SAE1: variants seen among roughly 807,000 people sequenced by gnomAD.
SAE1 encodes the protein SUMO-activating enzyme subunit 1.
SAE1 carries 11 observed loss-of-function variants against 40.6 expected under a neutral mutation model. The observed-to-expected ratio is 0.27, with a 90% CI of 0.17 to 0.45. SAE1 has a LOEUF of 0.45. Among genes scored for constraint, SAE1 ranks in the 20% least tolerant of loss-of-function variants. The probability of loss-of-function intolerance (pLI) is 1.00; values close to 1 mark genes in which losing one functional copy is unlikely to be tolerated. For synonymous variants in SAE1, 155 were observed against 154.3 expected, an observed-to-expected ratio of 1.00 and a Z score of -0.03; for missense variants, 373 against 427.3, an observed-to-expected ratio of 0.87 and a Z score of 1.12.
intron 6 of SAE1, among the ~76,000 whole-genome samples, chr19:47,186,613 GCTCGTTT>G (rs1384728990): frequency 6.6e-6 from 1 of 152,072 alleles, no homozygotes; most frequent in Non-Finnish European, 1.5e-5. Flanking sequence ...TTGTTTTTGA[GCTCGTTT>G]CTGAGAAAGT....
rs1480311660 is a variant in SAE1 at position 47,193,850 on chromosome 19, GAA to G, written c.734-3379_734-3378del. The stretch of plus-strand genomic sequence containing the variant: ...CAAAAAAAAAAAAAAAGAAAGAAAA[GAA>G]AAAGAAAAAGAAATTACCTCTTCTC... On this transcript the variant is annotated intron_variant, in intron 6 of 8. Transcript: ENST00000270225. Among the ~76,000 whole-genome samples, 16 of 130,828 alleles carry G rather than the reference GAA, an allele frequency of 1.2e-4. No individual in the cohort carries two copies. The South Asian group carries it at 2.7e-3, about 22-fold the overall frequency. 85.8% of individuals were successfully genotyped at this position (130,828 alleles called of 152,430 possible). A position where few individuals can be genotyped will look rare whatever the true frequency, so the allele number is the denominator to read the frequency against.
In SAE1 at chr19:47,203,762, G is replaced by C. The variant is rs770010226; in HGVS notation, c.948+22G>C. ...GAAGGTAAAACATCACTGTGGAGCA[G>C]AAAATTGTTAACCATGACTTTGTAT... On this transcript the variant is annotated intron_variant, in intron 8 of 8. Transcript: ENST00000270225. 4 of 1,604,356 alleles carry C rather than the reference G, an allele frequency of 2.5e-6. No homozygotes were observed. In the East Asian group the frequency reaches 8.9e-5, roughly 36 times the overall value.
chr19:47,158,410 C>A (rs887343024), intron 5 of SAE1, among the ~76,000 whole-genome samples: 1 of 152,112 alleles, frequency 6.6e-6, no homozygotes, highest in Non-Finnish European at 1.5e-5. Context: ...AGATTTGAGA[C>A]GGATTTCGTC....
At chr19:47,201,604 G>A (rs1029691941) in intron 7 of SAE1, among the ~76,000 whole-genome samples, 11 of 150,156 alleles carry the variant, frequency 7.3e-5, no homozygotes, top group East Asian at 1.9e-4. Context: ...CCTCCAATAC[G>A]GCCAAAATGA....
rs533598577 is a variant in SAE1, at chr19:47,167,053, G to T, written c.628-2765G>T. On this transcript the variant is annotated intron_variant, in intron 5 of 8. Transcript: ENST00000270225. ...TGCAACCTCCACCTCCTGGGTCCAA[G>T]TGATTCTGCTCCCTCAGCTTCCTGA... Among the ~76,000 whole-genome samples the T allele has an allele frequency of 7.9e-5, 12 of 152,122 alleles. No individual in the cohort carries two copies. The East Asian group carries it at 2.1e-3, about 27-fold the overall frequency.
At chr19:47,205,772 A>G (rs2058683578) in intron 8 of SAE1, among the ~76,000 whole-genome samples, 1 of 152,292 alleles carries the variant, frequency 6.6e-6, no homozygotes, top group East Asian at 1.9e-4. Flanking sequence ...CACCGGCCCT[A>G]TGAGGTAGGA....
chr19:47,170,569 C>T (rs141980506), intron 6 of SAE1, among the ~76,000 whole-genome samples: 34 of 146,042 alleles, frequency 2.3e-4, no homozygotes, highest in African/African-American at 8.6e-4. Context: ...TGCAGTAGCG[C>T]TATCATGGTT....
intron 5 of SAE1, among the ~76,000 whole-genome samples, chr19:47,168,137 G>A (rs911036170): frequency 2.4e-4 from 37 of 152,092 alleles, no homozygotes; most frequent in African/African-American, 8.2e-4. Context: ...AGGTTGCAGC[G>A]AGCTGAGATC....
intron 2 of SAE1, among the ~76,000 whole-genome samples, chr19:47,149,142 G>T (rs2058271515): frequency 6.8e-6 from 1 of 146,628 alleles, no homozygotes; most frequent in Non-Finnish European, 1.5e-5. Context: ...GTGAGCTACT[G>T]TGCCAGGCTG....
chr19:47,204,734 G>A (rs915472775), intron 8 of SAE1, among the ~76,000 whole-genome samples: 27 of 151,884 alleles, frequency 1.8e-4, no homozygotes, highest in Non-Finnish European at 3.5e-4. Context: ...CTGACCTTGT[G>A]ATCCTCCCAC....
intron 5 of SAE1, among the ~76,000 whole-genome samples, chr19:47,161,352 A>G (rs556671038): frequency 6.6e-6 from 1 of 152,296 alleles, no homozygotes; most frequent in East Asian, 1.9e-4. Context: ...AAAAGAAGAT[A>G]TGCAGCATCA....
At position 47,209,587 on chromosome 19, in the gene SAE1, C is replaced by T. The variant is rs1043777; in HGVS notation, c.*336C>T. 2.8e-6 allele frequency: 1 copy of T among 362,962 alleles called. No homozygotes were observed. The highest frequency in any genetic ancestry group is 4.4e-5 in the Admixed American group (1 of 22,610). The allele number at this position is 362,962 out of a possible 1,614,324, so 22.5% of individuals were successfully genotyped here. A position where few individuals can be genotyped will look rare whatever the true frequency, so the allele number is the denominator to read the frequency against. ...TCCCGGCCTCGCCAGCCCTCTGGGG[C>T]ATTGTGGGAGATGCCTGCCAGGAAT... On this transcript the variant is annotated 3_prime_UTR_variant, in exon 9 of 9. Coordinates refer to ENST00000270225, the MANE Select transcript of SAE1 (RefSeq NM_005500.3).
intron 6 of SAE1, among the ~76,000 whole-genome samples, chr19:47,195,371 C>A (rs936084291): frequency 3.9e-5 from 6 of 152,052 alleles, no homozygotes; most frequent in Admixed American, 2.0e-4. Context: ...GTCTTTTGCT[C>A]CTATTTGTCT....
At chr19:47,159,884 G>A (rs2058348250) in intron 5 of SAE1, among the ~76,000 whole-genome samples, 1 of 152,086 alleles carries the variant, frequency 6.6e-6, no homozygotes, top group African/African-American at 2.4e-5. Flanking sequence ...AGTAGAGACG[G>A]TATTTCTCCA....
At chr19:47,164,639 CTTTT>C (rs1166301382) in intron 5 of SAE1, among the ~76,000 whole-genome samples, 1 of 78,394 alleles carries the variant, frequency 1.3e-5, no homozygotes, top group East Asian at 3.9e-4. Flanking sequence ...GAGAATTCAC[CTTTT>C]TTTTTTTTTT....
intron 6 of SAE1, among the ~76,000 whole-genome samples, chr19:47,194,427 T>G (rs2058600247): frequency 6.6e-6 from 1 of 152,190 alleles, no homozygotes; most frequent in South Asian, 2.1e-4. Flanking sequence ...GAGAGTATAA[T>G]TTGCTGAATA....
intron 6 of SAE1, among the ~76,000 whole-genome samples, chr19:47,193,291 C>G (rs575418342): frequency 6.6e-6 from 1 of 152,040 alleles, no homozygotes; most frequent in African/African-American, 2.4e-5. Context: ...GAACTCCTGA[C>G]CTCAGGTGAT....
intron 7 of SAE1, among the ~76,000 whole-genome samples, chr19:47,201,260 A>G (rs1029009091): frequency 5.5e-5 from 8 of 146,256 alleles, no homozygotes; most frequent in African/African-American, 1.5e-4. Context: ...TATTGGCCAG[A>G]CTGATCTCAA....
chr19:47,150,223 G>C lies in SAE1; in HGVS notation c.232G>C (p.Ala78Pro). ...CTAGGTAACTCCAGAAGATCCCGGA[G>C]CTCAGTTCTTGATTCGTACTGGGTC... ...HEQVTPEDPG[A>P]QFLIRTGSVG... The change falls in exon 3 of 9, where the codon GCT (alanine) becomes CCT (proline). Residue 78 changes from alanine to proline, a missense_variant. Physicochemically the swap from Ala to Pro is conservative, Grantham distance 27. Around this residue, in one of 3 missense-constraint regions of SAE1, gnomAD observed 351 missense variants for 390.6 expected, o/e 0.90. Transcript: ENST00000270225. The C allele has an allele frequency of 1.2e-6, 2 of 1,600,270 alleles. No homozygotes were observed. Among genetic ancestry groups the C allele is most frequent in the South Asian group, 2.3e-5 (2 of 88,044 alleles).
Sources: allele counts gnomAD v4.1 joint callset (sites outside exome capture counted in the v4.1 genomes callset), GRCh38; gene constraint gnomAD v4.1.1; regional missense constraint gnomAD v4.1.1; transcripts MANE v1.5; gene names NCBI Gene and HGNC (gene_info 2026-07-23, HGNC 2026-07-21).